Variants in PADI4 observed in about 807,000 individuals in gnomAD.
The protein encoded by PADI4 is protein-arginine deiminase type-4.
In PADI4, 62 loss-of-function variants were observed where a neutral mutation model predicts 75.0. The observed-to-expected ratio is 0.83, with a 90% CI of 0.67 to 1.02. The LOEUF is 1.02. Ranked by LOEUF, PADI4 falls within the 50% of genes least tolerant of loss-of-function variation. The probability of loss-of-function intolerance (pLI) is 0.00; values close to 1 mark genes in which losing one functional copy is unlikely to be tolerated. For synonymous variants in PADI4, 361 were observed against 348.1 expected, an observed-to-expected ratio of 1.04 and a Z score of -0.41; for missense variants, 845 against 850.5, an observed-to-expected ratio of 0.99 and a Z score of 0.08.
intron 13 of PADI4, among the ~76,000 whole-genome samples, chr1:17,358,095 A>C (rs1317627166): frequency 6.6e-6 from 1 of 151,510 alleles, no homozygotes; most frequent in African/African-American, 2.4e-5. Context: ...TAAAAGTACA[A>C]AAATTAGCTG....
rs576725993 is a variant in PADI4, at chr1:17,341,845, G to C, written c.653-98G>C. The C allele has an allele frequency of 1.8e-4, 159 of 861,296 alleles. 1 individual carries two copies. The highest frequency in any genetic ancestry group is 4.6e-4 in the Admixed American group (19 of 41,426). The allele number at this position is 861,296 out of a possible 1,614,324, so 53.4% of individuals were successfully genotyped here. A position where few individuals can be genotyped will look rare whatever the true frequency, so the allele number is the denominator to read the frequency against. On this transcript the variant is annotated intron_variant, in intron 6 of 15. Coordinates refer to ENST00000375448, the MANE Select transcript of PADI4 (RefSeq NM_012387.3). ...AAGGGGTTCTCTGATGGTGCCATGT[G>C]GTGACCCTGGGAAAGGCTTCTGGGG...
At position 17,350,569 on chromosome 1, in the gene PADI4, C is replaced by T. The variant is rs1296091359; in HGVS notation, c.1155+2521C>T. On this transcript the variant is annotated intron_variant, in intron 10 of 15. Transcript: ENST00000375448. The stretch of plus-strand genomic sequence containing the variant: ...CGCATCACCTGGCATCCATGAGCGT[C>T]CCCCACACAGCCCACTCTTGGGGGG... Among the ~76,000 whole-genome samples the T allele has an allele frequency of 1.5e-5, 2 of 130,502 alleles. 1 individual carries two copies. The highest frequency in any genetic ancestry group is 3.5e-5 in the Non-Finnish European group (2 of 57,462). The allele number at this position is 130,502 out of a possible 152,430, so 85.6% of individuals were successfully genotyped here. A position where few individuals can be genotyped will look rare whatever the true frequency, so the allele number is the denominator to read the frequency against.
At chr1:17,341,654 C>T (rs1051847095) in intron 6 of PADI4, among the ~76,000 whole-genome samples, 3 of 152,218 alleles carry the variant, frequency 2.0e-5, no homozygotes, top group Non-Finnish European at 2.9e-5. Context: ...CTGGCTAGAG[C>T]AGATGCTCAG....
At chr1:17,360,069 C>G (rs1320447899) in intron 15 of PADI4, among the ~76,000 whole-genome samples, 1 of 152,102 alleles carries the variant, frequency 6.6e-6, no homozygotes, top group African/African-American at 2.4e-5. Context: ...GCGGGTGGAT[C>G]ACTTGAGGTC....
intron 11 of PADI4, 120 bp downstream of exon 11, chr1:17,354,807 G>T: frequency 1.0e-6 from 1 of 993,098 alleles, no homozygotes; most frequent in African/African-American, 1.6e-5. Context: ...CAGACTTGAG[G>T]GAGTGTGAGA....
chr1:17,323,262 G>A (rs61763709), intron 1 of PADI4, among the ~76,000 whole-genome samples: 1 of 73,466 alleles, frequency 1.4e-5, no homozygotes, highest in African/African-American at 4.5e-5. Context: ...AGAGAGAGAG[G>A]CAGAGAGAGA....
chr1:17,309,000 C>T (rs1473129573), intron 1 of PADI4, among the ~76,000 whole-genome samples: 3 of 151,986 alleles, frequency 2.0e-5, no homozygotes, highest in African/African-American at 4.8e-5. Flanking sequence ...TTAACAAATG[C>T]TGAGTGCCAT....
At chr1:17,317,332 GATC>G (rs1372210148) in intron 1 of PADI4, among the ~76,000 whole-genome samples, 1 of 152,100 alleles carries the variant, frequency 6.6e-6, no homozygotes, top group Admixed American at 6.5e-5. Flanking sequence ...GCAATGGTGA[GATC>G]TTGGCTCACT....
At chr1:17,349,479 T>C (rs950808194) in intron 10 of PADI4, among the ~76,000 whole-genome samples, 4 of 152,062 alleles carry the variant, frequency 2.6e-5, no homozygotes, top group African/African-American at 9.7e-5. Context: ...CCAAGGAGGA[T>C]GGATCACCTG....
intron 14 of PADI4, among the ~76,000 whole-genome samples, 181 bp from the exon 15 acceptor site, chr1:17,359,099 C>A (rs981755507): frequency 1.3e-5 from 2 of 152,136 alleles, no homozygotes; most frequent in African/African-American, 4.8e-5. Context: ...GCCCCAGGGT[C>A]CCCCGAGAGC....
chr1:17,357,930 CAAAA>C (rs774236922), intron 13 of PADI4, among the ~76,000 whole-genome samples: 7 of 35,186 alleles, frequency 2.0e-4, no homozygotes, highest in East Asian at 8.4e-4. Flanking sequence ...GACTCAGTCT[CAAAA>C]AAAAAAAAAA....
At chr1:17,342,940 G>A (rs566787130) in intron 8 of PADI4, among the ~76,000 whole-genome samples, 5 of 151,910 alleles carry the variant, frequency 3.3e-5, no homozygotes, top group East Asian at 1.9e-4. Context: ...GCGCCACTGC[G>A]CTCCAGCCTG....
chr1:17,342,733 G>T (rs1323900558), intron 8 of PADI4, among the ~76,000 whole-genome samples: 1 of 152,186 alleles, frequency 6.6e-6, no homozygotes, highest in African/African-American at 2.4e-5. Flanking sequence ...CTAGCACTTT[G>T]GGAGGCTGAG....
rs2074516886 is a variant in PADI4, at chr1:17,346,390, G to A, written c.1047+251G>A. On this transcript the variant is annotated intron_variant, in intron 9 of 15. Coordinates refer to ENST00000375448, the MANE Select transcript of PADI4 (RefSeq NM_012387.3). The surrounding 1 kb of genome is among the most constrained non-coding windows in gnomAD (Gnocchi z 4.3). ...CACCTTCCTGCTTGAAAACACTCAG[G>A]TGGCCTCAGGAAATGATGTGAAGCT... Among the ~76,000 whole-genome samples, 1 of 152,130 alleles carries A rather than the reference G, an allele frequency of 6.6e-6. No homozygotes were observed. Among genetic ancestry groups the A allele is most frequent in the African/African-American group, 2.4e-5 (1 of 41,438 alleles).
Position 17,363,659 on chromosome 1 carries a change from C to T in PADI4, c.1896C>T (p.Asp632=), listed in dbSNP as rs2100268350. ...PLGLQCTFIN[D]FFTYHIRHGE... ...GCCTCCAGTGCACCTTCATCAACGA[C>T]TTCTTCACCTACCACATCAGGCATG... The change falls in exon 16 of 16, where the codon GAC becomes GAT. Residue 632 remains aspartate (D), a synonymous_variant. Transcript: ENST00000375448. 6.2e-7 allele frequency: 1 copy of T among 1,614,208 alleles called. No individual in the cohort carries two copies. Among genetic ancestry groups the T allele is most frequent in the East Asian group, 2.2e-5 (1 of 44,882 alleles).
At chr1:17,351,609 C>CACA (rs2074624212) in intron 10 of PADI4, among the ~76,000 whole-genome samples, 1 of 98,026 alleles carries the variant, frequency 1.0e-5, no homozygotes, top group African/African-American at 4.4e-5. Flanking sequence ...GACCTGGTCT[C>CACA]AAAAAAAAAA....
intron 13 of PADI4, among the ~76,000 whole-genome samples, chr1:17,357,871 C>T (rs1385471800): frequency 4.1e-5 from 6 of 148,092 alleles, no homozygotes; most frequent in Non-Finnish European, 7.4e-5. Flanking sequence ...GTGGAGGTTG[C>T]AGTGAGCCAA....
intron 1 of PADI4, among the ~76,000 whole-genome samples, chr1:17,310,924 C>A (rs1291475877): frequency 6.6e-6 from 1 of 152,072 alleles, no homozygotes; most frequent in Non-Finnish European, 1.5e-5. Context: ...TGGTGAAACG[C>A]CGTCTCTACT....
intron 10 of PADI4, among the ~76,000 whole-genome samples, chr1:17,349,533 C>T (rs536105407): frequency 7.2e-5 from 11 of 151,926 alleles, no homozygotes; most frequent in East Asian, 3.9e-4. Context: ...GGCGAAATCC[C>T]GTCTCTACTA....
Sources: gnomAD v4.1 joint callset for allele counts (sites outside exome capture counted in the v4.1 genomes callset) on GRCh38, gnomAD v4.1.1 for gene constraint, Gnocchi (gnomAD v3.1) non-coding constraint, MANE v1.5 for transcripts, NCBI Gene and HGNC (gene_info 2026-07-23, HGNC 2026-07-21) for gene names.